PPARGC1A: variants seen among roughly 807,000 people sequenced by gnomAD.
PPARGC1A encodes PPARG coactivator 1 alpha, also known as peroxisome proliferator-activated receptor gamma coactivator 1-alpha.
PPARGC1A carries 25 observed loss-of-function variants against 88.7 expected under a neutral mutation model. That is an observed-to-expected ratio of 0.28 (90% CI 0.21 to 0.39). The LOEUF (loss-of-function observed/expected upper bound fraction) is 0.39, where lower values mean the gene tolerates loss of function less well. Ranked by LOEUF, PPARGC1A falls within the 10% of genes least tolerant of loss-of-function variation. PPARGC1A has a pLI of 1.00. For missense variants in PPARGC1A, 880 were observed against 968.7 expected (o/e 0.91, Z 1.22); for synonymous variants, 363 against 355.6 (o/e 1.02, Z -0.24).
the PPARGC1A span, among the ~76,000 whole-genome samples, chr4:24,335,455 C>A: frequency 2.0e-5 from 3 of 152,102 alleles, no homozygotes; most frequent in African/African-American, 7.2e-5. Flanking sequence ...TCCTTTTTGT[C>A]TTCCCTCCTC....
chr4:24,062,759 G>A, the PPARGC1A span, among the ~76,000 whole-genome samples: 1 of 152,194 alleles, frequency 6.6e-6, no homozygotes, highest in East Asian at 1.9e-4. Flanking sequence ...GCTAGAAACT[G>A]AAACTTTATC....
chr4:24,140,029 A>T, the PPARGC1A span, among the ~76,000 whole-genome samples: 2 of 152,204 alleles, frequency 1.3e-5, no homozygotes, highest in Admixed American at 6.5e-5. Context: ...GGGTCTCTCC[A>T]GGTACCATGC....
At chr4:24,464,264 T>C in the PPARGC1A span, among the ~76,000 whole-genome samples, 138 of 152,274 alleles carry the variant, frequency 9.1e-4, no homozygotes, top group Non-Finnish European at 1.7e-3. Flanking sequence ...TACTTCCATT[T>C]GAAATGTAAT....
At chr4:24,407,432 G>A in the PPARGC1A span, among the ~76,000 whole-genome samples, 1 of 152,190 alleles carries the variant, frequency 6.6e-6, no homozygotes, top group Non-Finnish European at 1.5e-5. Context: ...ATAATGCAAT[G>A]AGTGGGAGAA....
intron 10 of PPARGC1A, among the ~76,000 whole-genome samples, chr4:23,803,964 G>A (rs1418540509): frequency 2.0e-5 from 3 of 152,206 alleles, no homozygotes; most frequent in Non-Finnish European, 4.4e-5. Flanking sequence ...CACCCGACAA[G>A]CATTTGTGAA....
the PPARGC1A span, among the ~76,000 whole-genome samples, chr4:24,224,222 C>T: frequency 5.9e-5 from 9 of 152,192 alleles, no homozygotes; most frequent in South Asian, 4.2e-4. Flanking sequence ...GCAGACTGCA[C>T]GCCTACTGTC....
the PPARGC1A span, among the ~76,000 whole-genome samples, chr4:24,160,049 A>T: frequency 6.6e-6 from 1 of 152,226 alleles, no homozygotes. Context: ...GAGGTAGAGC[A>T]CTGTGGGAAA....
the PPARGC1A span, among the ~76,000 whole-genome samples, chr4:24,361,331 A>G: frequency 2.0e-5 from 3 of 152,190 alleles, no homozygotes; most frequent in Non-Finnish European, 4.4e-5. Flanking sequence ...GAGAACCTAC[A>G]ACTCCCCAAT....
the PPARGC1A span, among the ~76,000 whole-genome samples, chr4:24,000,475 T>TA: frequency 9.0e-4 from 135 of 150,080 alleles, no homozygotes; most frequent in African/African-American, 3.1e-3. Context: ...GGGCATATAA[T>TA]AAAAAAATCC....
the PPARGC1A span, among the ~76,000 whole-genome samples, chr4:24,472,070 C>CG: frequency 6.6e-6 from 1 of 152,078 alleles, no homozygotes; most frequent in African/African-American, 2.4e-5. The surrounding 1 kb of genome is among the most constrained non-coding windows in gnomAD (Gnocchi z 4.5). Flanking sequence ...TGGAGTTGTT[C>CG]GGGGTAACGC....
chr4:24,373,435 C>T, the PPARGC1A span, among the ~76,000 whole-genome samples: 1 of 152,134 alleles, frequency 6.6e-6, no homozygotes, highest in African/African-American at 2.4e-5. Context: ...CATATTTAGG[C>T]ATAGGAATAA....
At chr4:24,059,354 GGTGGGAATTGCA>G in the PPARGC1A span, among the ~76,000 whole-genome samples, 1 of 152,170 alleles carries the variant, frequency 6.6e-6, no homozygotes, top group South Asian at 2.1e-4. Context: ...CATTTGTTTA[GGTGGGAATTGCA>G]GTGTTAGAGG....
At chr4:24,289,135 G>T in the PPARGC1A span, among the ~76,000 whole-genome samples, 1 of 147,530 alleles carries the variant, frequency 6.8e-6, no homozygotes. Context: ...CAGAAGAATC[G>T]CTTGAACCCG....
the PPARGC1A span, among the ~76,000 whole-genome samples, chr4:23,979,052 G>A: frequency 3.3e-5 from 5 of 152,036 alleles, no homozygotes; most frequent in African/African-American, 7.2e-5. Flanking sequence ...TGAGCTGCAC[G>A]TTTTACTACA....
the PPARGC1A span, among the ~76,000 whole-genome samples, chr4:24,204,616 G>C: frequency 6.6e-6 from 1 of 152,074 alleles, no homozygotes; most frequent in Non-Finnish European, 1.5e-5. Context: ...CAGAGAGTAA[G>C]AACTGGCGGG....
At chr4:24,159,206 C>CTTTTTTTTT in the PPARGC1A span, among the ~76,000 whole-genome samples, 1 of 109,862 alleles carries the variant, frequency 9.1e-6, no homozygotes, top group African/African-American at 3.9e-5. Context: ...GGAAATTAAC[C>CTTTTTTTTT]TTTTTTTTTT....
chr4:23,978,188 A>G, the PPARGC1A span, among the ~76,000 whole-genome samples: 1 of 152,192 alleles, frequency 6.6e-6, no homozygotes, highest in Non-Finnish European at 1.5e-5. Flanking sequence ...AAAGGAAATA[A>G]TGTATTCAAC....
At chr4:24,081,397 A>T in the PPARGC1A span, among the ~76,000 whole-genome samples, 1 of 152,122 alleles carries the variant, frequency 6.6e-6, no homozygotes, top group Non-Finnish European at 1.5e-5. Flanking sequence ...AAAAAAAGGA[A>T]TCCAGCAATG....
the PPARGC1A span, among the ~76,000 whole-genome samples, chr4:23,925,452 T>C: frequency 6.6e-6 from 1 of 152,190 alleles, no homozygotes; most frequent in Non-Finnish European, 1.5e-5. Context: ...ATAAAGCCTC[T>C]TAAAGGAGCC....
Sources: gnomAD v4.1 joint callset for allele counts (sites outside exome capture counted in the v4.1 genomes callset) on GRCh38, gnomAD v4.1.1 for gene constraint, Gnocchi (gnomAD v3.1) non-coding constraint, MANE v1.5 for transcripts, NCBI Gene and HGNC (gene_info 2026-07-23, HGNC 2026-07-21) for gene names.